CNTN5: variants seen among roughly 807,000 people sequenced by gnomAD.
CNTN5 encodes contactin-5.
A neutral mutation model predicts 129.1 loss-of-function variants in CNTN5; 77 were observed. That is an observed-to-expected ratio of 0.60 (90% CI 0.50 to 0.72). CNTN5 has a LOEUF of 0.72. CNTN5 is among the 30% of genes least tolerant of loss of function. The pLI, the probability that CNTN5 is intolerant of heterozygous loss-of-function variation, is 0.00. For synonymous variants in CNTN5, 509 were observed against 465.6 expected, an observed-to-expected ratio of 1.09 and a Z score of -1.20; for missense variants, 1,478 against 1,328.8, an observed-to-expected ratio of 1.11 and a Z score of -1.75.
chr11:100,130,502 G>A (rs1946340606), intron 13 of CNTN5, among the ~76,000 whole-genome samples: 3 of 152,132 alleles, frequency 2.0e-5, no homozygotes, highest in African/African-American at 4.8e-5. Context: ...AAAGAGGTGG[G>A]CATTGTGAGC....
At chr11:99,725,966 G>A (rs913501760) in intron 3 of CNTN5, among the ~76,000 whole-genome samples, 1 of 151,792 alleles carries the variant, frequency 6.6e-6, no homozygotes, top group African/African-American at 2.4e-5. Flanking sequence ...AGCCAAATAA[G>A]AATATTATTA....
intron 15 of CNTN5, among the ~76,000 whole-genome samples, chr11:100,216,629 G>A (rs1949143910): frequency 6.6e-6 from 1 of 151,802 alleles, no homozygotes; most frequent in Admixed American, 6.6e-5. Context: ...TGAACTAAAT[G>A]GGTCTTGGGT....
chr11:99,544,970 T>C (rs1265704202), intron 2 of CNTN5, among the ~76,000 whole-genome samples: 1 of 152,224 alleles, frequency 6.6e-6, no homozygotes, highest in African/African-American at 2.4e-5. Flanking sequence ...TTGTAATTCC[T>C]TTGCCAACAA....
intron 13 of CNTN5, among the ~76,000 whole-genome samples, chr11:100,141,044 T>C (rs1021758057): frequency 6.6e-6 from 1 of 152,098 alleles, no homozygotes; most frequent in African/African-American, 2.4e-5. Flanking sequence ...CAGGTTTCCA[T>C]TGGAACAAAA....
At chr11:100,325,002 T>A (rs193158835) in intron 21 of CNTN5, among the ~76,000 whole-genome samples, 2 of 152,272 alleles carry the variant, frequency 1.3e-5, no homozygotes, top group East Asian at 3.9e-4. Context: ...TGATTGTGAA[T>A]AGCCAATTTA....
chr11:100,337,768 A>C (rs922692945), intron 21 of CNTN5: 3 of 380,676 alleles, frequency 7.9e-6, no homozygotes, highest in Middle Eastern at 1.7e-3. Flanking sequence ...TCCTTTTGAA[A>C]CTTACTGCTC....
At chr11:99,923,535 C>T (rs899801886) in intron 7 of CNTN5, among the ~76,000 whole-genome samples, 9 of 152,076 alleles carry the variant, frequency 5.9e-5, no homozygotes, top group African/African-American at 1.2e-4. Flanking sequence ...TTATTATGTA[C>T]AGAAATATTC....
chr11:100,126,744 G>T (rs568222037), intron 13 of CNTN5, among the ~76,000 whole-genome samples: 12 of 152,150 alleles, frequency 7.9e-5, no homozygotes, highest in African/African-American at 2.6e-4. Flanking sequence ...ACTTGCCATT[G>T]TAAGTCTTTT....
chr11:99,841,277 CTTA>C (rs1387807334), intron 4 of CNTN5, among the ~76,000 whole-genome samples: 1 of 152,102 alleles, frequency 6.6e-6, no homozygotes, highest in African/African-American at 2.4e-5. Context: ...AGATTAGTCC[CTTA>C]TTATTTAGCC....
At chr11:99,602,300 CAT>C (rs1372718835) in intron 3 of CNTN5, among the ~76,000 whole-genome samples, 13 of 151,832 alleles carry the variant, frequency 8.6e-5, no homozygotes, top group African/African-American at 2.7e-4. Context: ...TAATAAGAAA[CAT>C]ATTTTTGATG....
At chr11:99,895,940 T>C (rs1353992637) in intron 6 of CNTN5, among the ~76,000 whole-genome samples, 1 of 152,162 alleles carries the variant, frequency 6.6e-6, no homozygotes. Flanking sequence ...CCATACTGCG[T>C]AAGTCCTTGC....
At chr11:99,740,423 A>G (rs2135154235) in intron 3 of CNTN5, among the ~76,000 whole-genome samples, 1 of 152,354 alleles carries the variant, frequency 6.6e-6, no homozygotes, top group South Asian at 2.1e-4. Flanking sequence ...TAGTATTGGT[A>G]ATGCATTCTA....
chr11:99,149,614 A>G (rs906585544), intron 1 of CNTN5, among the ~76,000 whole-genome samples: 6 of 152,124 alleles, frequency 3.9e-5, no homozygotes, highest in African/African-American at 1.2e-4. Flanking sequence ...AACTTCTAAC[A>G]AAGTGAATTG....
chr11:99,469,520 T>A (rs1004092425), intron 2 of CNTN5, among the ~76,000 whole-genome samples: 3 of 152,138 alleles, frequency 2.0e-5, no homozygotes, highest in Non-Finnish European at 4.4e-5. Context: ...TGTATAATAT[T>A]GATCTATGTT....
chr11:99,700,922 A>C (rs565325104), intron 3 of CNTN5, among the ~76,000 whole-genome samples: 1 of 151,364 alleles, frequency 6.6e-6, no homozygotes, highest in African/African-American at 2.4e-5. Flanking sequence ...TCTACCTTCC[A>C]TCTTGGCAGA....
chr11:100,070,582 C>T (rs868737786), intron 11 of CNTN5, 22 bp downstream of exon 11: 1 of 1,610,840 alleles, frequency 6.2e-7, no homozygotes, highest in Non-Finnish European at 8.5e-7. Context: ...AGTTATTAAC[C>T]TGTTCTGCTG....
At chr11:99,248,950 T>G (rs1861959202) in intron 1 of CNTN5, among the ~76,000 whole-genome samples, 1 of 152,194 alleles carries the variant, frequency 6.6e-6, no homozygotes, top group Non-Finnish European at 1.5e-5. Context: ...CAATGTCGGC[T>G]CTTTTTTGGT....
chr11:99,116,071 G>A (rs1858031283), intron 1 of CNTN5, among the ~76,000 whole-genome samples: 1 of 152,064 alleles, frequency 6.6e-6, no homozygotes, highest in Admixed American at 6.6e-5. Context: ...CCCTCCAGCA[G>A]CATTTGATAA....
At chr11:99,259,039 T>A (rs1862509381) in intron 1 of CNTN5, among the ~76,000 whole-genome samples, 1 of 148,638 alleles carries the variant, frequency 6.7e-6, no homozygotes, top group Non-Finnish European at 1.5e-5. Flanking sequence ...ATTTTCGAGT[T>A]ATGATATAAC....
Sources: allele counts gnomAD v4.1 joint callset (sites outside exome capture counted in the v4.1 genomes callset), GRCh38; gene constraint gnomAD v4.1.1; transcripts MANE v1.5; gene names NCBI Gene and HGNC (gene_info 2026-07-23, HGNC 2026-07-21).